Variants in NRL observed in about 807,000 individuals in gnomAD.
The protein encoded by NRL is neural retina-specific leucine zipper protein.
Under a neutral mutation model 12.5 loss-of-function variants are expected in NRL, and 16 were observed. That is an observed-to-expected ratio of 1.28 (90% CI 0.87 to 1.95). NRL has a LOEUF of 1.95. Ranked by LOEUF, NRL falls within the 30% of genes most tolerant of loss-of-function variation. The pLI is 0.00. For missense variants in NRL, 314 were observed against 325.8 expected (o/e 0.96, Z 0.28); for synonymous variants, 142 against 150.9 (o/e 0.94, Z 0.43).
intron 1 of NRL, among the ~76,000 whole-genome samples, chr14:24,104,653 C>A (rs8021107): frequency 0.19 from 26,804 of 138,718 alleles, 3,217 homozygotes; most frequent in East Asian, 0.4. Context: ...AAAAAAAAAA[C>A]AAAACAAAAC....
At chr14:24,108,387 T>C (rs1049802855) in intron 1 of NRL, among the ~76,000 whole-genome samples, 2 of 152,100 alleles carry the variant, frequency 1.3e-5, no homozygotes, top group Non-Finnish European at 2.9e-5. Flanking sequence ...GCCCAGGCTG[T>C]AATGCAGTAG....
chr14:24,085,595 C>A lies in NRL; in HGVS notation c.-27-2720G>T, dbSNP rs930135007. On this transcript the variant is annotated intron_variant, in intron 1 of 2. Transcript: ENST00000561028. The surrounding 1 kb of genome is among the most constrained non-coding windows in gnomAD (Gnocchi z 4.1). ...AAATAGGGTCTATGGAGTTAAAGGC[C>A]ACTTCCTACCTTCTGAGGCCACCCA... Among the ~76,000 whole-genome samples, 4 of 152,192 alleles carry A rather than the reference C, an allele frequency of 2.6e-5. No homozygotes were observed. The highest frequency in any genetic ancestry group is 9.6e-5 in the African/African-American group (4 of 41,452).
In NRL at chr14:24,094,343, G is replaced by A. The variant is rs1392768647; in HGVS notation, c.-27-11468C>T. ...GCTTCGCCGCGCTCCCTCCTTCCCCGCCTTCCATACCTCCCCGGCTCCGCT... is the reference window on the plus strand; with the variant it reads ...GCTTCGCCGCGCTCCCTCCTTCCCCACCTTCCATACCTCCCCGGCTCCGCT... On this transcript the variant is annotated intron_variant, in intron 1 of 2. Transcript: ENST00000561028. The surrounding 1 kb of genome is among the most constrained non-coding windows in gnomAD (Gnocchi z 4.1). The A allele has an allele frequency of 2.0e-6, 3 of 1,467,696 alleles. No individual in the cohort carries two copies. The highest frequency in any genetic ancestry group is 1.4e-5 in the African/African-American group (1 of 69,680). The allele number at this position is 1,467,696 out of a possible 1,614,324, so 90.9% of individuals were successfully genotyped here.
At chr14:24,102,021 T>G (rs543024490) in intron 1 of NRL, among the ~76,000 whole-genome samples, 1 of 151,198 alleles carries the variant, frequency 6.6e-6, no homozygotes, top group East Asian at 2.0e-4. Context: ...AGGTCAGGAG[T>G]TTGAAACCAG....
chr14:24,104,800 G>C (rs148069394), intron 1 of NRL, among the ~76,000 whole-genome samples: 2 of 152,108 alleles, frequency 1.3e-5, no homozygotes, highest in African/African-American at 4.8e-5. Flanking sequence ...GTCAGTTCTC[G>C]AATTTGTTCT....
At chr14:24,099,076 A>C in intron 1 of NRL, 2 of 1,607,860 alleles carry the variant, frequency 1.2e-6, no homozygotes, top group Non-Finnish European at 1.7e-6. Flanking sequence ...TGGCCGTGCA[A>C]CCCAGAGAAA....
chr14:24,098,206 G>C, intron 1 of NRL: 2 of 1,593,666 alleles, frequency 1.3e-6, no homozygotes, highest in African/African-American at 1.3e-5. Flanking sequence ...CCCCCAGCTG[G>C]CTGGCCCGCA....
intron 1 of NRL, among the ~76,000 whole-genome samples, chr14:24,102,190 T>C (rs1293397152): frequency 6.6e-6 from 1 of 152,214 alleles, no homozygotes; most frequent in Admixed American, 6.5e-5. Flanking sequence ...ATTGCACCAC[T>C]GCACTACAGC....
Position 24,094,377 on chromosome 14 carries a change from GGCCA to G in NRL, c.-27-11506_-27-11503del. On this transcript the variant is annotated intron_variant, in intron 1 of 2. Transcript: ENST00000561028. The surrounding 1 kb of genome is among the most constrained non-coding windows in gnomAD (Gnocchi z 4.1). ...ACCTCCCCGGCTCCGCTCGGTTCCT[GGCCA>G]CCCCGCAGCCCCTGCCCAGGTGCCA... The G allele has an allele frequency of 6.5e-7, 1 of 1,543,136 alleles. No individual in the cohort carries two copies. The highest frequency in any genetic ancestry group is 8.7e-7 in the Non-Finnish European group (1 of 1,147,436).
At chr14:24,090,269 G>GGGC (rs2036580273) in intron 1 of NRL, among the ~76,000 whole-genome samples, 2 of 12,028 alleles carry the variant, frequency 1.7e-4, no homozygotes, top group African/African-American at 2.4e-4. Flanking sequence ...TTTACTCGGG[G>GGGC]GGGGGGGGGG....
Position 24,082,606 on chromosome 14 carries a change from C to T in NRL, c.243G>A (p.Gln81=). The T allele has an allele frequency of 6.2e-7, 1 of 1,613,866 alleles. No individual in the cohort carries two copies. Among genetic ancestry groups the T allele is most frequent in the Non-Finnish European group, 8.5e-7 (1 of 1,180,016 alleles). ...ELYWLATLQQ[Q]LGAGEALGLS... ...GCCCCAATGCCTCCCCAGCCCCCAG[C>T]TGCTGCTGCAGGGTAGCCAGCCAGT... Residue 81 remains glutamine (Q), a synonymous_variant, in exon 2 of 3, where the codon CAG becomes CAA. Coordinates refer to ENST00000561028, the MANE Select transcript of NRL (RefSeq NM_001354768.3).
intron 1 of NRL, chr14:24,095,149 T>C (rs1439907851): frequency 2.2e-6 from 1 of 455,992 alleles, no homozygotes; most frequent in Non-Finnish European, 4.4e-6. Flanking sequence ...TCAGCTTTTG[T>C]CCCAGAGTCG....
At chr14:24,087,967 G>A (rs567510558) in intron 1 of NRL, among the ~76,000 whole-genome samples, 3 of 152,202 alleles carry the variant, frequency 2.0e-5, no homozygotes, top group Admixed American at 6.5e-5. Flanking sequence ...GGATGAGGGT[G>A]CAGTGGGCCA....
intron 1 of NRL, among the ~76,000 whole-genome samples, chr14:24,096,619 GTA>G (rs765381309): frequency 4.2e-4 from 64 of 152,172 alleles, no homozygotes; most frequent in South Asian, 1.7e-3. Flanking sequence ...ATGCCTACAT[GTA>G]TACTTCCACA....
chr14:24,082,744 A>G lies in NRL; in HGVS notation c.105T>C (p.Pro35=). The stretch of plus-strand genomic sequence containing the variant: ...AAGGTGTGGAGCCCAGTGAGGCTGT[A>G]GGGGGGCCAGGTCGGCCCTCAGAGG... ...REPSEGRPGP[P]TASLGSTPYS... The change falls in exon 2 of 3, where the codon CCT becomes CCC. Residue 35 remains proline, a synonymous_variant. Coordinates refer to ENST00000561028, the MANE Select transcript of NRL (RefSeq NM_001354768.3). 6.2e-7 allele frequency: 1 copy of G among 1,614,170 alleles called. No homozygotes were observed. Among genetic ancestry groups the G allele is most frequent in the Middle Eastern group, 1.6e-4 (1 of 6,062 alleles).
At position 24,095,377 on chromosome 14, in the gene NRL, A is replaced by G. The variant is rs528528846; in HGVS notation, c.-27-12502T>C. ...TTCCCTCTGAGGCAGGAACAGACCC[A>G]GGTCCCAGTAGCCCTCCTCCCCTGC... On this transcript the variant is annotated intron_variant, in intron 1 of 2. Transcript: ENST00000561028. 245 of 387,646 alleles carry G rather than the reference A, an allele frequency of 6.3e-4. 3 individuals carry two copies. Among genetic ancestry groups the G allele is most frequent in the Admixed American group, 1.7e-3 (57 of 34,302 alleles). 24.0% of individuals were successfully genotyped at this position (387,646 alleles called of 1,614,324 possible).
intron 1 of NRL, among the ~76,000 whole-genome samples, chr14:24,087,295 G>T (rs2036490113): frequency 6.6e-6 from 1 of 152,200 alleles, no homozygotes; most frequent in Admixed American, 6.5e-5. Context: ...CAGGACATAA[G>T]ATTGGGGACC....
intron 1 of NRL, among the ~76,000 whole-genome samples, chr14:24,106,720 C>CAA (rs61141281): frequency 0.12 from 16,308 of 132,012 alleles, 1,248 homozygotes; most frequent in African/African-American, 0.23. Context: ...GACTCTGTCT[C>CAA]AAAAAAAAAA....
chr14:24,099,440 A>T, intron 1 of NRL: 1 of 1,078,530 alleles, frequency 9.3e-7, no homozygotes, highest in Non-Finnish European at 1.3e-6. Context: ...CAGGGCAATC[A>T]CTTATATAGT....
Sources: allele counts gnomAD v4.1 joint callset (sites outside exome capture counted in the v4.1 genomes callset), GRCh38; gene constraint gnomAD v4.1.1; non-coding constraint Gnocchi (gnomAD v3.1); transcripts MANE v1.5; gene names NCBI Gene and HGNC (gene_info 2026-07-23, HGNC 2026-07-21).